The following ABCC3 variants were observed in gnomAD, a reference collection of about 807,000 sequenced individuals.
ABCC3 encodes the protein ATP-binding cassette sub-family C member 3.
In ABCC3, 121 loss-of-function variants were observed where a neutral mutation model predicts 165.3. That is an observed-to-expected ratio of 0.73 (90% CI 0.63 to 0.85). ABCC3 has a LOEUF of 0.85. Ranked by LOEUF, ABCC3 falls within the 40% of genes least tolerant of loss-of-function variation. The pLI, the probability that ABCC3 is intolerant of heterozygous loss-of-function variation, is 0.00. For synonymous variants in ABCC3, 733 were observed against 810.1 expected, an observed-to-expected ratio of 0.90 and a Z score of 1.62; for missense variants, 1,869 against 1,964.1, an observed-to-expected ratio of 0.95 and a Z score of 0.92.
In ABCC3 at chr17:50,676,404, C is replaced by G. The variant is rs772980326; in HGVS notation, c.3194C>G (p.Ser1065Ter). 10 of 1,614,256 alleles carry G rather than the reference C, an allele frequency of 6.2e-6. No individual in the cohort carries two copies. The highest frequency in any genetic ancestry group is 2.5e-6 in the Non-Finnish European group (3 of 1,180,044). ...CAGTCCTTCTTTGACACCACACCAT[C>G]AGGCCGCATCCTGAACTGCTTCTCC... Reference protein sequence around the residue: ...SPQSFFDTTPSGRILNCFSKD... With the variant: ...SPQSFFDTTP Residue 1065 changes from serine to a stop codon, truncating the protein, a stop_gained, in exon 23 of 31, where the codon TCA becomes TGA. Transcript: ENST00000285238. LOFTEE classifies it high-confidence loss of function.
intron 1 of ABCC3, among the ~76,000 whole-genome samples, chr17:50,647,287 G>T (rs917184938): frequency 6.6e-6 from 1 of 152,236 alleles, no homozygotes; most frequent in Non-Finnish European, 1.5e-5. Flanking sequence ...AGAATCAATA[G>T]GACCTATGTC....
intron 1 of ABCC3, chr17:50,635,326 C>T: frequency 4.8e-6 from 3 of 630,862 alleles, no homozygotes; most frequent in Non-Finnish European, 8.7e-6. Flanking sequence ...GCGGAAGGGG[C>T]GTTTCGCAAT....
chr17:50,687,462 A>G, intron 29 of ABCC3, 74 bp from the exon 30 acceptor site: 1 of 1,469,564 alleles, frequency 6.8e-7, no homozygotes, highest in Non-Finnish European at 9.3e-7. Flanking sequence ...TGAGGAGTGA[A>G]ACAGGTCTGG....
At chr17:50,649,266 A>G (rs544941556) in intron 1 of ABCC3, among the ~76,000 whole-genome samples, 1 of 152,266 alleles carries the variant, frequency 6.6e-6, no homozygotes, top group African/African-American at 2.4e-5. Context: ...GAGTTTTACC[A>G]CCCAGCAGTA....
At chr17:50,653,358 A>AAG (rs1784571789) in intron 1 of ABCC3, among the ~76,000 whole-genome samples, 1 of 151,040 alleles carries the variant, frequency 6.6e-6, no homozygotes, top group African/African-American at 2.4e-5. Flanking sequence ...AAAAAAAAAA[A>AAG]AAAAAGAAAA....
intron 7 of ABCC3, among the ~76,000 whole-genome samples, chr17:50,660,021 A>G (rs539359758): frequency 6.6e-6 from 1 of 152,284 alleles, no homozygotes; most frequent in East Asian, 1.9e-4. Flanking sequence ...ACCGAAGCAC[A>G]GAAATTTAAC....
At chr17:50,639,743 C>T (rs1384072040) in intron 1 of ABCC3, among the ~76,000 whole-genome samples, 2 of 149,842 alleles carry the variant, frequency 1.3e-5, no homozygotes. Context: ...GAGCCTAACT[C>T]TAGGCTTGGA....
At chr17:50,657,994 GA>G in intron 4 of ABCC3, 87 bp from the exon 5 acceptor site, 1 of 1,588,272 alleles carries the variant, frequency 6.3e-7, no homozygotes, top group South Asian at 1.1e-5. Context: ...CCCCAGAGGA[GA>G]CTGATGCCCC....
Position 50,658,081 on chromosome 17 carries a change from G to A in ABCC3, c.487-1G>A. ...TGACGCCCCTCCACTCTCCCACCCA[G>A]GGTGAGATCTCAGACCCCTTCCGCT... On this transcript the variant is annotated splice_acceptor_variant, in intron 4 of 30. Coordinates refer to ENST00000285238, the MANE Select transcript of ABCC3 (RefSeq NM_003786.4). LOFTEE classifies it high-confidence loss of function. The A allele has an allele frequency of 6.2e-7, 1 of 1,614,120 alleles. No homozygotes were observed. Among genetic ancestry groups the A allele is most frequent in the Non-Finnish European group, 8.5e-7 (1 of 1,179,966 alleles).
At chr17:50,676,778 TA>T (rs1967824817) in intron 23 of ABCC3, among the ~76,000 whole-genome samples, 190 bp downstream of exon 23, 1 of 152,062 alleles carries the variant, frequency 6.6e-6, no homozygotes, top group South Asian at 2.1e-4. Flanking sequence ...GCCTCACCTG[TA>T]AAATAGAATG....
At chr17:50,659,817 T>C (rs1967337676) in intron 7 of ABCC3, among the ~76,000 whole-genome samples, 1 of 152,008 alleles carries the variant, frequency 6.6e-6, no homozygotes, top group Non-Finnish European at 1.5e-5. Flanking sequence ...AGACCTTGTC[T>C]CTACAAAAAA....
intron 17 of ABCC3, 27 bp downstream of exon 17, chr17:50,669,555 AG>A: frequency 6.2e-7 from 1 of 1,610,550 alleles, no homozygotes; most frequent in Non-Finnish European, 8.5e-7. Flanking sequence ...CATCCCTAAG[AG>A]GCTAGGGCAT....
At chr17:50,672,045 A>G (rs1205678787) in intron 17 of ABCC3, among the ~76,000 whole-genome samples, 1 of 151,818 alleles carries the variant, frequency 6.6e-6, no homozygotes, top group Non-Finnish European at 1.5e-5. Flanking sequence ...TCTTTCTTAT[A>G]AAGCCACCGG....
rs755649633 is a variant in ABCC3 at position 50,657,098 on chromosome 17, C to T, written c.401C>T (p.Ser134Leu). 9 of 1,614,148 alleles carry T rather than the reference C, an allele frequency of 5.6e-6. No individual in the cohort carries two copies. Among genetic ancestry groups the T allele is most frequent in the Admixed American group, 3.3e-5 (2 of 60,022 alleles). Reference protein sequence around the residue: ...QYERLQGVQSSGVLIIFWFLC... With the variant: ...QYERLQGVQSLGVLIIFWFLC... ...GAGCGGCTGCAGGGCGTACAGTCTTCGGGGGTCCTCATTATCTTCTGGTTC... is the reference window on the plus strand; with the variant it reads ...GAGCGGCTGCAGGGCGTACAGTCTTTGGGGGTCCTCATTATCTTCTGGTTC... The change falls in exon 4 of 31, where the codon TCG becomes TTG. Residue 134 changes from serine (S) to leucine (L), a missense_variant. Physicochemically the swap from Ser to Leu is moderately radical, Grantham distance 145 (BLOSUM62 -2). Coordinates refer to ENST00000285238, the MANE Select transcript of ABCC3 (RefSeq NM_003786.4).
intron 30 of ABCC3, among the ~76,000 whole-genome samples, chr17:50,690,740 C>T (rs892180139): frequency 6.6e-6 from 1 of 152,232 alleles, no homozygotes; most frequent in Non-Finnish European, 1.5e-5. Context: ...CGACACAAAG[C>T]AGATGGATGT....
chr17:50,643,566 G>A, intron 1 of ABCC3: 1 of 456,296 alleles, frequency 2.2e-6, no homozygotes, highest in Non-Finnish European at 4.4e-6. Flanking sequence ...CCCACTGCCT[G>A]ACTCACCAAG....
intron 1 of ABCC3, among the ~76,000 whole-genome samples, chr17:50,647,312 G>A (rs1967020375): frequency 6.6e-6 from 1 of 152,242 alleles, no homozygotes; most frequent in Non-Finnish European, 1.5e-5. Context: ...CAGGTGTCAG[G>A]GTAGCTGGCA....
chr17:50,679,784 G>C lies in ABCC3; in HGVS notation c.3706-14G>C, dbSNP rs1211059660. 2 of 1,612,822 alleles carry C rather than the reference G, an allele frequency of 1.2e-6. No homozygotes were observed. The highest frequency in any genetic ancestry group is 8.5e-7 in the Non-Finnish European group (1 of 1,178,818). The stretch of plus-strand genomic sequence containing the variant: ...GGGAGATCGCCATACGTATAACCCA[G>C]TCCCTTTGGCCAGGTGACATTTGCT... On this transcript the variant is annotated splice_polypyrimidine_tract_variant and intron_variant, in intron 25 of 30. Coordinates refer to ENST00000285238, the MANE Select transcript of ABCC3 (RefSeq NM_003786.4).
chr17:50,677,626 CGTG>C lies in ABCC3; in HGVS notation c.3379-113_3379-111del, dbSNP rs1203422561. On this transcript the variant is annotated intron_variant, in intron 23 of 30. Coordinates refer to ENST00000285238, the MANE Select transcript of ABCC3 (RefSeq NM_003786.4). ...GAGGTGGGGGAAGGCAGCGATGTCT[CGTG>C]GTGGGAGTGAGGCTGGCTGGGAGGA... 31 of 1,011,440 alleles carry C rather than the reference CGTG, an allele frequency of 3.1e-5. No individual in the cohort carries two copies. In the East Asian group the frequency reaches 7.4e-4, roughly 24 times the overall value. The allele number at this position is 1,011,440 out of a possible 1,614,324, so 62.7% of individuals were successfully genotyped here.
Sources: allele counts gnomAD v4.1 joint callset (sites outside exome capture counted in the v4.1 genomes callset), GRCh38; gene constraint gnomAD v4.1.1; transcripts MANE v1.5; gene names NCBI Gene and HGNC (gene_info 2026-07-23, HGNC 2026-07-21).